IL1RAPL1: variants seen among roughly 807,000 people sequenced by gnomAD.
IL1RAPL1 encodes interleukin-1 receptor accessory protein-like 1.
In IL1RAPL1, 3 loss-of-function variants were observed where a neutral mutation model predicts 48.4. The observed-to-expected ratio is 0.06, with a 90% CI of 0.03 to 0.16. IL1RAPL1 has a LOEUF of 0.16. Ranked by LOEUF, IL1RAPL1 falls within the 10% of genes least tolerant of loss-of-function variation. The pLI is 1.00. For synonymous variants in IL1RAPL1, 185 were observed against 187.7 expected (o/e 0.99, Z 0.12); for missense variants, 349 against 530.6 (o/e 0.66, Z 3.36).
intron 2 of IL1RAPL1, among the ~76,000 whole-genome samples, chrX:29,064,407 C>G (rs1485495676): frequency 1.8e-5 from 2 of 108,618 alleles, no homozygotes; most frequent in Non-Finnish European, 3.8e-5. Flanking sequence ...TTTTTTTTTT[C>G]TATTCTAATA....
At chrX:29,585,185 A>C (rs5927853) in intron 5 of IL1RAPL1, among the ~76,000 whole-genome samples, 31,964 of 111,059 alleles carry the variant, frequency 0.29, 3,385 homozygotes, top group South Asian at 0.45. Context: ...CATATTGATT[A>C]GTAATTCCCA....
At chrX:29,174,841 A>C (rs1929976860) in intron 2 of IL1RAPL1, among the ~76,000 whole-genome samples, 1 of 111,485 alleles carries the variant, frequency 9.0e-6, no homozygotes, top group Non-Finnish European at 1.9e-5. Flanking sequence ...TTGGGAGGCC[A>C]AGGTGGGTGG....
At chrX:29,381,577 C>T (rs1933701369) in intron 3 of IL1RAPL1, among the ~76,000 whole-genome samples, 1 of 91,639 alleles carries the variant, frequency 1.1e-5, no homozygotes, top group Non-Finnish European at 2.1e-5. Flanking sequence ...CTACTCAGGA[C>T]ACTGAGGCAG....
chrX:29,773,415 T>A (rs1929114955), intron 6 of IL1RAPL1, among the ~76,000 whole-genome samples: 1 of 112,430 alleles, frequency 8.9e-6, no homozygotes, highest in East Asian at 2.8e-4. Context: ...ATAGTGAGGA[T>A]CTTTTATCTG....
At chrX:29,560,622 A>T (rs1008868354) in intron 5 of IL1RAPL1, among the ~76,000 whole-genome samples, 1 of 111,592 alleles carries the variant, frequency 9.0e-6, no homozygotes, top group African/African-American at 3.3e-5. Context: ...TTAAGTTCTT[A>T]TATATTTTCT....
At chrX:29,347,655 G>A (rs188668583) in intron 3 of IL1RAPL1, among the ~76,000 whole-genome samples, 2 of 111,091 alleles carry the variant, frequency 1.8e-5, no homozygotes, top group Non-Finnish European at 3.8e-5. Context: ...TTCCCAAAGT[G>A]TTGGGATTAC....
rs1936156842 is a variant in IL1RAPL1 at position 28,760,512 on chromosome X, C to G, written c.-24-28808C>G. ...TATTCTTTCATCAGGGCCAAGGTGG[C>G]ACTAACACTTTATTAGCCCATATGG... On this transcript the variant is annotated intron_variant, in intron 1 of 10. Transcript: ENST00000378993. Among the ~76,000 whole-genome samples the G allele has an allele frequency of 6.3e-5, 7 of 111,793 alleles. No homozygotes were observed. The Admixed American group carries it at 6.7e-4, about 11-fold the overall frequency.
In IL1RAPL1 at chrX:29,836,188, CTTTTTTT is replaced by C. The variant is rs201175211; in HGVS notation, c.779-81263_779-81257del. Reference sequence around the variant, plus strand: ...TTTGGTATGTTGTGTTTTCATTTTTCTTTTTTTTTTTTTTTTTTTCTGAGACGGAGTC... The same window carrying C: ...TTTGGTATGTTGTGTTTTCATTTTTCTTTTTTTTTTTTCTGAGACGGAGTC... On this transcript the variant is annotated intron_variant, in intron 6 of 10. Coordinates refer to ENST00000378993, the MANE Select transcript of IL1RAPL1 (RefSeq NM_014271.4). 4.0e-4 allele frequency among the ~76,000 whole-genome samples: 36 copies of C among 89,141 alleles called. No individual in the cohort carries two copies. The South Asian group carries it at 0.013, about 32-fold the overall frequency. The allele number at this position is 89,141 out of a possible 115,157, so 77.4% of individuals were successfully genotyped here. A position where few individuals can be genotyped will look rare whatever the true frequency, so the allele number is the denominator to read the frequency against.
intron 5 of IL1RAPL1, among the ~76,000 whole-genome samples, chrX:29,409,646 T>C (rs1055761077): frequency 9.0e-6 from 1 of 111,447 alleles, no homozygotes; most frequent in African/African-American, 3.3e-5. Context: ...AGAAAACGTA[T>C]ACATTTTAGA....
Position 29,534,886 on chromosome X carries a change from G to A in IL1RAPL1, c.704-133544G>A, listed in dbSNP as rs752918308. On this transcript the variant is annotated intron_variant, in intron 5 of 10. Coordinates refer to ENST00000378993, the MANE Select transcript of IL1RAPL1 (RefSeq NM_014271.4). The stretch of plus-strand genomic sequence containing the variant: ...CGGGAGGCTGAGGCAGGAGAATGGC[G>A]TGAACCCGGGAGGCGGAGCTTGCAG... 5.3e-4 allele frequency among the ~76,000 whole-genome samples: 58 copies of A among 108,718 alleles called. 1 individual carries two copies. The highest frequency in any genetic ancestry group is 4.9e-3 in the Admixed American group (50 of 10,265). The allele number at this position is 108,718 out of a possible 115,157, so 94.4% of individuals were successfully genotyped here.
chrX:29,955,734 G>C lies in IL1RAPL1; in HGVS notation c.2005G>C (p.Glu669Gln), dbSNP rs769058210. ...GCGGCCACAGACAAAATCGAGCAGG[G>C]AGCAGAATCCAGATGAGGCCCACAC... ...GQRPQTKSSR[E>Q]QNPDEAHTNS... The change falls in exon 11 of 11, where the codon GAG (glutamate) becomes CAG (glutamine). Residue 669 changes from glutamate (E) to glutamine (Q), a missense_variant. By Grantham distance (29) the Glu-to-Gln change is conservative (BLOSUM62 2). Transcript: ENST00000378993. 3 of 1,211,525 alleles carry C rather than the reference G, an allele frequency of 2.5e-6. No homozygotes were observed. Among genetic ancestry groups the C allele is most frequent in the Non-Finnish European group, 1.1e-6 (1 of 895,442 alleles).
At chrX:29,431,480 G>C (rs1234742855) in intron 5 of IL1RAPL1, among the ~76,000 whole-genome samples, 3 of 111,644 alleles carry the variant, frequency 2.7e-5, no homozygotes, top group Non-Finnish European at 3.8e-5. Context: ...CAAGGTGCTT[G>C]GTGATGAACA....
chrX:29,205,293 T>C (rs1422452118), intron 2 of IL1RAPL1, among the ~76,000 whole-genome samples: 2 of 111,935 alleles, frequency 1.8e-5, no homozygotes, highest in Non-Finnish European at 3.8e-5. Flanking sequence ...TTTGTAAATA[T>C]TTTACTTTTC....
At chrX:29,306,546 A>C (rs1932624553) in intron 3 of IL1RAPL1, among the ~76,000 whole-genome samples, 1 of 100,171 alleles carries the variant, frequency 1.0e-5, no homozygotes, top group African/African-American at 3.7e-5. Context: ...AAAAAAAAAA[A>C]AAAAAAACGA....
At chrX:29,863,648 T>C (rs753974523) in intron 6 of IL1RAPL1, among the ~76,000 whole-genome samples, 11 of 112,311 alleles carry the variant, frequency 9.8e-5, no homozygotes, top group African/African-American at 3.2e-4. Context: ...AAAGATACTT[T>C]TCCAGATCAA....
In IL1RAPL1 at chrX:29,428,408, C is replaced by T. The variant is rs767175187; in HGVS notation, c.703+29100C>T. 1.1e-4 allele frequency among the ~76,000 whole-genome samples: 12 copies of T among 110,961 alleles called. No individual in the cohort carries two copies. The South Asian group carries it at 1.1e-3, about 10-fold the overall frequency. ...TTAAATGACATTAATCTAGATGTTCCGCTATGACTTTTATACTGTTATGGC... is the reference window on the plus strand; with the variant it reads ...TTAAATGACATTAATCTAGATGTTCTGCTATGACTTTTATACTGTTATGGC... On this transcript the variant is annotated intron_variant, in intron 5 of 10. Coordinates refer to ENST00000378993, the MANE Select transcript of IL1RAPL1 (RefSeq NM_014271.4).
chrX:29,716,033 C>A (rs1453275609), intron 6 of IL1RAPL1, among the ~76,000 whole-genome samples: 1 of 111,600 alleles, frequency 9.0e-6, no homozygotes, highest in African/African-American at 3.3e-5. Context: ...ATGCTTGATT[C>A]TCTGGGACAG....
At position 29,185,965 on chromosome X, in the gene IL1RAPL1, C is replaced by T. The variant is rs948535284; in HGVS notation, c.83-96973C>T. ...AAGAAGAAGGAGGAGAGTGGAAATACTTAAATAAAGCAAATAGTTTTAGTT... is the reference window on the plus strand; with the variant it reads ...AAGAAGAAGGAGGAGAGTGGAAATATTTAAATAAAGCAAATAGTTTTAGTT... On this transcript the variant is annotated intron_variant, in intron 2 of 10. Transcript: ENST00000378993. Among the ~76,000 whole-genome samples, 4 of 111,294 alleles carry T rather than the reference C, an allele frequency of 3.6e-5. No individual in the cohort carries two copies. In the South Asian group the frequency reaches 1.1e-3, roughly 31 times the overall value.
chrX:29,764,464 T>C (rs1372436088), intron 6 of IL1RAPL1, among the ~76,000 whole-genome samples: 1 of 111,979 alleles, frequency 8.9e-6, no homozygotes, highest in Non-Finnish European at 1.9e-5. Context: ...AGTTATAAAA[T>C]TCAAATGACT....
Sources: gnomAD v4.1 joint callset for allele counts (sites outside exome capture counted in the v4.1 genomes callset) on GRCh38, gnomAD v4.1.1 for gene constraint, MANE v1.5 for transcripts, NCBI Gene and HGNC (gene_info 2026-07-23, HGNC 2026-07-21) for gene names.